TMEM178B: variants seen among roughly 807,000 people sequenced by gnomAD.
The protein encoded by TMEM178B is transmembrane protein 178B.
A neutral mutation model predicts 31.0 loss-of-function variants in TMEM178B; 5 were observed. The observed-to-expected ratio is 0.16, with a 90% confidence interval of 0.08 to 0.34. The LOEUF (loss-of-function observed/expected upper bound fraction) is 0.34. Ranked by LOEUF, TMEM178B falls within the 10% of genes least tolerant of loss-of-function variation. TMEM178B has a pLI of 1.00. For synonymous variants in TMEM178B, 164 were observed against 164.0 expected (o/e 1.00, Z 0.00); for missense variants, 275 against 400.3 (o/e 0.69, Z 2.67).
At chr7:141,151,838 C>T (rs546375451) in intron 1 of TMEM178B, among the ~76,000 whole-genome samples, 2 of 152,296 alleles carry the variant, frequency 1.3e-5, no homozygotes, top group East Asian at 3.9e-4. Context: ...GAGTCAGCTA[C>T]AGGGGGGGTG....
chr7:141,288,233 C>A (rs545949929), intron 2 of TMEM178B, among the ~76,000 whole-genome samples: 1 of 151,750 alleles, frequency 6.6e-6, no homozygotes, highest in South Asian at 2.1e-4. Context: ...TTGTGATTGT[C>A]GCGCTGAAAC....
At chr7:141,345,793 A>G (rs1354020277) in intron 2 of TMEM178B, among the ~76,000 whole-genome samples, 2 of 152,218 alleles carry the variant, frequency 1.3e-5, no homozygotes, top group African/African-American at 4.8e-5. Context: ...ACCATTTTTA[A>G]CATTAGACTG....
intron 2 of TMEM178B, among the ~76,000 whole-genome samples, chr7:141,236,531 C>T (rs1416532649): frequency 6.6e-6 from 1 of 152,192 alleles, no homozygotes; most frequent in Non-Finnish European, 1.5e-5. Flanking sequence ...CTGCCTGCAG[C>T]CTCCATCTTC....
intron 2 of TMEM178B, among the ~76,000 whole-genome samples, chr7:141,243,766 C>T (rs1797681667): frequency 6.6e-6 from 1 of 152,160 alleles, no homozygotes; most frequent in South Asian, 2.1e-4. Flanking sequence ...TGAAGCCAAA[C>T]ATTTGTATTA....
chr7:141,366,765 C>G (rs1204014295), intron 2 of TMEM178B, among the ~76,000 whole-genome samples: 1 of 152,118 alleles, frequency 6.6e-6, no homozygotes, highest in Non-Finnish European at 1.5e-5. Flanking sequence ...TGTCCCTCCC[C>G]TCTCCCACTC....
At chr7:141,218,027 G>C (rs1430856951) in intron 2 of TMEM178B, among the ~76,000 whole-genome samples, 1 of 151,936 alleles carries the variant, frequency 6.6e-6, no homozygotes, top group African/African-American at 2.4e-5. Context: ...GCTGGCCAGG[G>C]AGGGAAAGAG....
chr7:141,217,888 A>C (rs1475845598), intron 2 of TMEM178B, among the ~76,000 whole-genome samples: 1 of 152,038 alleles, frequency 6.6e-6, no homozygotes, highest in African/African-American at 2.4e-5. Context: ...ACTTTCCTGC[A>C]ATCAGATGCT....
In TMEM178B at chr7:141,470,616, G is replaced by A. The variant is rs763499283; in HGVS notation, c.715G>A (p.Gly239Arg). The A allele has an allele frequency of 1.4e-5, 22 of 1,535,270 alleles. No homozygotes were observed. The Middle Eastern group carries it at 8.4e-4, about 58-fold the overall frequency. ...GTCACGCTACCCACGCTACCTGTAC[G>A]GACTCCCTGATGACATCAGCCATGG... ...ELSRYPRYLY[G>R]LPDDISHGYG... Residue 239 changes from glycine to arginine, a missense_variant, in exon 4 of 4, where the codon GGA becomes AGA. Physicochemically the swap from Gly to Arg is moderately radical, Grantham distance 125. Transcript: ENST00000565468.
chr7:141,433,836 C>T (rs946894662), intron 2 of TMEM178B, among the ~76,000 whole-genome samples: 1 of 152,300 alleles, frequency 6.6e-6, no homozygotes, highest in East Asian at 1.9e-4. Context: ...TGTTCATGCA[C>T]GGCTCTGGCA....
chr7:141,112,282 C>T (rs1342059118), intron 1 of TMEM178B, among the ~76,000 whole-genome samples: 1 of 152,154 alleles, frequency 6.6e-6, no homozygotes, highest in Admixed American at 6.5e-5. Flanking sequence ...AAGGCAGAGT[C>T]TTGCTCTGTC....
chr7:141,173,255 T>C (rs1421275546), intron 1 of TMEM178B: 2 of 152,210 alleles, frequency 1.3e-5, no homozygotes, highest in Non-Finnish European at 2.9e-5. Context: ...AGGTAAATAC[T>C]GCAAGGTAGA....
intron 2 of TMEM178B, among the ~76,000 whole-genome samples, chr7:141,227,186 TA>T (rs1284223093): frequency 6.6e-6 from 1 of 152,192 alleles, no homozygotes; most frequent in Non-Finnish European, 1.5e-5. Context: ...GGAAGTGTGG[TA>T]AACAAAATGC....
intron 2 of TMEM178B, among the ~76,000 whole-genome samples, chr7:141,313,755 C>G (rs147370932): frequency 7.5e-6 from 1 of 133,098 alleles, no homozygotes; most frequent in African/African-American, 2.5e-5. Flanking sequence ...TTCCCGTGGG[C>G]AAACTGGACA....
chr7:141,251,824 C>A (rs1797838603), intron 2 of TMEM178B, among the ~76,000 whole-genome samples: 1 of 152,148 alleles, frequency 6.6e-6, no homozygotes, highest in South Asian at 2.1e-4. Flanking sequence ...TGGGTCGTAT[C>A]CCCATGAGCT....
intron 2 of TMEM178B, among the ~76,000 whole-genome samples, chr7:141,367,099 G>T (rs1800022064): frequency 1.4e-5 from 2 of 145,830 alleles, no homozygotes; most frequent in Non-Finnish European, 1.5e-5. Context: ...GGAGGGGTGG[G>T]GGGGGCAGGG....
chr7:141,373,252 C>T (rs1800150588), intron 2 of TMEM178B, among the ~76,000 whole-genome samples: 1 of 152,074 alleles, frequency 6.6e-6, no homozygotes, highest in South Asian at 2.1e-4. Context: ...TAGGCAGAGG[C>T]CAGAGCAAAT....
At chr7:141,187,845 CT>C (rs1285143869) in intron 1 of TMEM178B, among the ~76,000 whole-genome samples, 1 of 152,072 alleles carries the variant, frequency 6.6e-6, no homozygotes, top group Non-Finnish European at 1.5e-5. Flanking sequence ...GATATTAGCC[CT>C]TTGTCAGATG....
In TMEM178B at chr7:141,255,751, C is replaced by T. The variant is rs530745057; in HGVS notation, c.496+43047C>T. Among the ~76,000 whole-genome samples the T allele has an allele frequency of 4.2e-4, 64 of 151,998 alleles. No individual in the cohort carries two copies. The South Asian group carries it at 8.3e-3, about 20-fold the overall frequency. On this transcript the variant is annotated intron_variant, in intron 2 of 3. Coordinates refer to ENST00000565468, the MANE Select transcript of TMEM178B (RefSeq NM_001195278.2). ...TGCCTTTTTTTAAGATACAGGGTCT[C>T]GCTATGATGCCCAGGCTGGTCTCAA...
chr7:141,216,871 A>G lies in TMEM178B; in HGVS notation c.496+4167A>G, dbSNP rs556091785. Among the ~76,000 whole-genome samples, 30 of 152,142 alleles carry G rather than the reference A, an allele frequency of 2.0e-4. No homozygotes were observed. The South Asian group carries it at 5.8e-3, about 29-fold the overall frequency. ...GCAGTGCAAAGCGAGGTAGAACGGC[A>G]TTTATCCTGCCTCTGTGGGCTCCAA... On this transcript the variant is annotated intron_variant, in intron 2 of 3. Coordinates refer to ENST00000565468, the MANE Select transcript of TMEM178B (RefSeq NM_001195278.2).
Sources: allele counts gnomAD v4.1 joint callset (sites outside exome capture counted in the v4.1 genomes callset), GRCh38; gene constraint gnomAD v4.1.1; transcripts MANE v1.5; gene names NCBI Gene and HGNC (gene_info 2026-07-23, HGNC 2026-07-21).